RELN: variants seen among roughly 807,000 people sequenced by gnomAD.
RELN encodes reelin.
In RELN, 108 loss-of-function variants were observed where a neutral mutation model predicts 427.6. That is an observed-to-expected ratio of 0.25 (90% confidence interval 0.22 to 0.30). The LOEUF (loss-of-function observed/expected upper bound fraction) is 0.30. RELN is among the 10% of genes least tolerant of loss of function. The pLI, the probability that RELN is intolerant of heterozygous loss-of-function variation, is 1.00. For missense variants in RELN, 3,715 were observed against 4,302.8 expected (o/e 0.86, Z 3.82); for synonymous variants, 1,524 against 1,513.4 (o/e 1.01, Z -0.16).
rs140112069 is a variant in RELN, at chr7:103,908,343, T to C, written c.337+8732A>G. ...TCTTTAAATACCTATTTTGAGCATATAATATATACTAGGTATTTGAACTGA... is the reference window on the plus strand; with the variant it reads ...TCTTTAAATACCTATTTTGAGCATACAATATATACTAGGTATTTGAACTGA... On this transcript the variant is annotated intron_variant, in intron 2 of 64. Coordinates refer to ENST00000428762, the MANE Select transcript of RELN (RefSeq NM_005045.4). Among the ~76,000 whole-genome samples, 7 of 152,296 alleles carry C rather than the reference T, an allele frequency of 4.6e-5. 1 individual carries two copies. In the East Asian group the frequency reaches 9.6e-4, roughly 21 times the overall value.
intron 1 of RELN, among the ~76,000 whole-genome samples, chr7:103,921,006 C>T (rs1358729992): frequency 1.3e-5 from 2 of 152,130 alleles, no homozygotes; most frequent in Admixed American, 6.6e-5. Context: ...CTAGAAGGTA[C>T]GTAATGCATT....
intron 4 of RELN, among the ~76,000 whole-genome samples, chr7:103,766,921 A>G (rs1791438121): frequency 6.6e-6 from 1 of 152,184 alleles, no homozygotes; most frequent in Non-Finnish European, 1.5e-5. Context: ...TCAACACAAC[A>G]ACAGAGAATT....
intron 1 of RELN, among the ~76,000 whole-genome samples, chr7:103,948,609 G>T (rs1796267028): frequency 6.6e-6 from 1 of 151,866 alleles, no homozygotes. Context: ...GGAGGCGGAG[G>T]TTGCAGTGAG....
At chr7:103,794,546 A>G (rs532639950) in intron 3 of RELN, among the ~76,000 whole-genome samples, 1 of 152,334 alleles carries the variant, frequency 6.6e-6, no homozygotes, top group South Asian at 2.1e-4. Flanking sequence ...TGCAACAACA[A>G]CAACAAAAAC....
At chr7:103,762,989 G>A (rs941184025) in intron 4 of RELN, among the ~76,000 whole-genome samples, 7 of 152,180 alleles carry the variant, frequency 4.6e-5, no homozygotes, top group Non-Finnish European at 8.8e-5. Context: ...AAGCCATAAA[G>A]TTACAGAAAT....
chr7:103,705,280 T>C (rs900483676), intron 8 of RELN, among the ~76,000 whole-genome samples: 8 of 152,182 alleles, frequency 5.3e-5, no homozygotes, highest in Non-Finnish European at 8.8e-5. Context: ...ATTAGAAGTA[T>C]TGATTTTCCA....
rs975864270 is a variant in RELN at position 103,824,867 on chromosome 7, T to C, written c.473+8670A>G. On this transcript the variant is annotated intron_variant, in intron 3 of 64. Coordinates refer to ENST00000428762, the MANE Select transcript of RELN (RefSeq NM_005045.4). The surrounding 1 kb of genome is among the most constrained non-coding windows in gnomAD (Gnocchi z 4.4). The stretch of plus-strand genomic sequence containing the variant: ...ATCTCTCATTGCTATACTATCTTCA[T>C]AAATACTAATTTTTAAAAGAAATAT... Among the ~76,000 whole-genome samples the C allele has an allele frequency of 3.9e-5, 6 of 152,030 alleles. No homozygotes were observed. Among genetic ancestry groups the C allele is most frequent in the African/African-American group, 1.2e-4 (5 of 41,400 alleles).
chr7:103,940,855 T>G (rs116225791), intron 1 of RELN, among the ~76,000 whole-genome samples: 1,636 of 152,304 alleles, frequency 0.011, 29 homozygotes, highest in African/African-American at 0.037. Context: ...TCTTATGAGA[T>G]ATCAGCTGTG....
chr7:103,826,619 T>C (rs530416808), intron 3 of RELN, among the ~76,000 whole-genome samples: 1 of 152,166 alleles, frequency 6.6e-6, no homozygotes, highest in South Asian at 2.1e-4. Context: ...TCACTGTTTT[T>C]GACTGTGTAG....
rs759784651 is a variant in RELN at position 103,635,502 on chromosome 7, C to A, written c.2388G>T (p.Leu796Phe). The change falls in exon 19 of 65, where the codon TTG (leucine) becomes TTT (phenylalanine). Residue 796 changes from leucine (L) to phenylalanine (F), a missense_variant. Physicochemically the swap from Leu to Phe is conservative, Grantham distance 22. Transcript: ENST00000428762. Reference sequence around the variant, plus strand: ...TCCCATTATCATAAGAATAATGCAACAAAACTCCTTCACCAGGCTGATCAG... The same window carrying A: ...TCCCATTATCATAAGAATAATGCAAAAAAACTCCTTCACCAGGCTGATCAG... ...RAPDQPGEGV[L>F]LHYSYDNGIT... is the part of the protein sequence containing the mutation. 1.4e-5 allele frequency: 23 copies of A among 1,613,936 alleles called. No individual in the cohort carries two copies. The highest frequency in any genetic ancestry group is 1.9e-5 in the Non-Finnish European group (23 of 1,179,890).
chr7:103,489,698 C>T (rs1459941674), intron 60 of RELN, 44 bp downstream of exon 60: 6 of 1,607,384 alleles, frequency 3.7e-6, no homozygotes, highest in Non-Finnish European at 5.1e-6. Flanking sequence ...ATGAGGAGAA[C>T]CTCTTGGTCT....
intron 8 of RELN, among the ~76,000 whole-genome samples, chr7:103,722,628 C>G (rs918399784): frequency 6.6e-6 from 1 of 152,096 alleles, no homozygotes; most frequent in East Asian, 1.9e-4. Flanking sequence ...ACTTTTAGCT[C>G]TAAAACAAAA....
intron 4 of RELN, among the ~76,000 whole-genome samples, chr7:103,756,621 C>T (rs747034996): frequency 6.6e-6 from 1 of 151,954 alleles, no homozygotes; most frequent in Non-Finnish European, 1.5e-5. Context: ...TTAAAAAATG[C>T]CAGAATAGAC....
chr7:103,641,232 A>G (rs1832687954), intron 16 of RELN, among the ~76,000 whole-genome samples: 1 of 152,220 alleles, frequency 6.6e-6, no homozygotes, highest in Admixed American at 6.5e-5. Flanking sequence ...TAAAAGTGGT[A>G]TTAAACTAAT....
intron 38 of RELN, among the ~76,000 whole-genome samples, chr7:103,555,234 T>C (rs1830497675): frequency 6.6e-6 from 1 of 152,122 alleles, no homozygotes; most frequent in African/African-American, 2.4e-5. Context: ...GATAAGTCCA[T>C]GCCAAGCAGG....
rs570696092 is a variant in RELN, at chr7:103,507,597, A to C, written c.8274+3254T>G. On this transcript the variant is annotated intron_variant, in intron 51 of 64. Coordinates refer to ENST00000428762, the MANE Select transcript of RELN (RefSeq NM_005045.4). ...AGAAAGCAGGAAAGATCTAAAACTG[A>C]CACCCTAACATCAAAATTAAAAGAA... is the stretch of plus-strand genomic sequence containing the variant. 2.0e-5 allele frequency among the ~76,000 whole-genome samples: 3 copies of C among 152,354 alleles called. 1 individual carries two copies. In the South Asian group the frequency reaches 6.2e-4, roughly 32 times the overall value.
intron 2 of RELN, among the ~76,000 whole-genome samples, chr7:103,853,556 G>T: frequency 6.6e-6 from 1 of 151,674 alleles, no homozygotes. Context: ...TTTCCAGTTT[G>T]TATTATTCAA....
At chr7:103,554,902 T>C (rs1438918415) in intron 38 of RELN, among the ~76,000 whole-genome samples, 1 of 152,200 alleles carries the variant, frequency 6.6e-6, no homozygotes, top group Non-Finnish European at 1.5e-5. Flanking sequence ...CTTAGCACCA[T>C]ACTTCAGTCA....
intron 10 of RELN, among the ~76,000 whole-genome samples, chr7:103,695,544 C>T (rs1465271787): frequency 6.6e-6 from 1 of 152,092 alleles, no homozygotes; most frequent in Non-Finnish European, 1.5e-5. Context: ...AACCACACCT[C>T]ATGCATTTTT....
Sources: allele counts gnomAD v4.1 joint callset (sites outside exome capture counted in the v4.1 genomes callset), GRCh38; gene constraint gnomAD v4.1.1; non-coding constraint Gnocchi (gnomAD v3.1); transcripts MANE v1.5; gene names NCBI Gene and HGNC (gene_info 2026-07-23, HGNC 2026-07-21).